The following INPP5F variants were observed in gnomAD, a reference collection of about 807,000 sequenced individuals.
The protein encoded by INPP5F is phosphatidylinositide 4-phosphatase SAC2.
A neutral mutation model predicts 137.2 loss-of-function variants in INPP5F; 97 were observed. The ratio of observed to expected loss-of-function variants is 0.71; its 90% CI spans 0.60 to 0.84. The LOEUF (loss-of-function observed/expected upper bound fraction) is 0.84. INPP5F is among the 40% of genes least tolerant of loss of function. The pLI is 0.00. For synonymous variants in INPP5F, 504 were observed against 476.9 expected (o/e 1.06, Z -0.74); for missense variants, 1,271 against 1,371.9 (o/e 0.93, Z 1.16).
At chr10:119,774,065 C>T (rs1849443140) in intron 2 of INPP5F, among the ~76,000 whole-genome samples, 1 of 151,558 alleles carries the variant, frequency 6.6e-6, no homozygotes, top group African/African-American at 2.4e-5. Flanking sequence ...GAGATAGAGA[C>T]CGTCCTGGCT....
intron 13 of INPP5F, among the ~76,000 whole-genome samples, chr10:119,809,220 C>G (rs531021492): frequency 2.1e-3 from 253 of 120,114 alleles, no homozygotes; most frequent in Non-Finnish European, 3.2e-3. Flanking sequence ...GAGCGAGACT[C>G]TGTCTCAAAA....
At chr10:119,745,741 G>T (rs1405546351) in intron 1 of INPP5F, among the ~76,000 whole-genome samples, 1 of 115,772 alleles carries the variant, frequency 8.6e-6, no homozygotes, top group African/African-American at 3.4e-5. Flanking sequence ...GCCTCACTCT[G>T]TTAGCCAGGC....
rs1453916065 is a variant in INPP5F at position 119,726,056 on chromosome 10, C to T, written c.-207C>T. On this transcript the variant is annotated 5_prime_UTR_variant, in exon 1 of 20. Transcript: ENST00000650623. ...GAAGGGGAGGAGCGGGGGGGAGAGG[C>T]CTCTACGGCCGCCGCTGCCGCCGCC... The T allele has an allele frequency of 1.1e-5, 4 of 362,356 alleles. No individual in the cohort carries two copies. The highest frequency in any genetic ancestry group is 2.0e-5 in the Non-Finnish European group (4 of 203,668). 22.4% of individuals were successfully genotyped at this position (362,356 alleles called of 1,614,324 possible). A position where few individuals can be genotyped will look rare whatever the true frequency, so the allele number is the denominator to read the frequency against.
chr10:119,791,328 T>C (rs1001138870), intron 3 of INPP5F, among the ~76,000 whole-genome samples, 189 bp from the exon 4 acceptor site: 2 of 152,242 alleles, frequency 1.3e-5, no homozygotes, highest in Non-Finnish European at 2.9e-5. Flanking sequence ...TTGTGTTTTA[T>C]CCTCTGCTAT....
intron 1 of INPP5F, among the ~76,000 whole-genome samples, chr10:119,744,190 C>A (rs932513407): frequency 6.6e-6 from 1 of 150,862 alleles, no homozygotes; most frequent in Non-Finnish European, 1.5e-5. Flanking sequence ...TGGATTGACT[C>A]CCCCCCTTTT....
chr10:119,798,521 AT>A, intron 8 of INPP5F, 21 bp from the exon 9 acceptor site: 1 of 1,588,550 alleles, frequency 6.3e-7, no homozygotes, highest in Non-Finnish European at 8.6e-7. Context: ...GGAAAAAAAG[AT>A]TTTGTATCAC....
rs565247576 is a variant in INPP5F at position 119,812,071 on chromosome 10, A to G, written c.1886+116A>G. ...GGGCATGGATGCATGGCGCGTGACT[A>G]TTTCCTCTATGAGCTGGTAGTGAGG... On this transcript the variant is annotated intron_variant, in intron 15 of 19. Coordinates refer to ENST00000650623, the MANE Select transcript of INPP5F (RefSeq NM_014937.4). The G allele has an allele frequency of 2.0e-5, 15 of 766,030 alleles. No individual in the cohort carries two copies. The East Asian group carries it at 2.8e-4, about 14-fold the overall frequency. 47.5% of individuals were successfully genotyped at this position (766,030 alleles called of 1,614,324 possible).
chr10:119,740,153 T>TA (rs1158162543), intron 1 of INPP5F, among the ~76,000 whole-genome samples: 2 of 152,226 alleles, frequency 1.3e-5, no homozygotes, highest in South Asian at 4.1e-4. Context: ...ACCTTGTACT[T>TA]ACTCACATAT....
In INPP5F at chr10:119,767,107, GAAAAAAAAAAA is replaced by G. The variant is rs35875262; in HGVS notation, c.179-14512_179-14502del. On this transcript the variant is annotated intron_variant, in intron 2 of 19. Coordinates refer to ENST00000650623, the MANE Select transcript of INPP5F (RefSeq NM_014937.4). Reference sequence around the variant, plus strand: ...GCAACAGAGTGAGACTCTGTCTCCAGAAAAAAAAAAAAAAAAAAAAAAAAAACCTAGAGAGA... The same window carrying G: ...GCAACAGAGTGAGACTCTGTCTCCAGAAAAAAAAAAAAAAACCTAGAGAGA... Among the ~76,000 whole-genome samples the G allele has an allele frequency of 5.6e-3, 226 of 40,560 alleles. 3 individuals carry two copies. Among genetic ancestry groups the G allele is most frequent in the Admixed American group, 0.025 (56 of 2,274 alleles). The allele number at this position is 40,560 out of a possible 152,430, so 26.6% of individuals were successfully genotyped here. A position where few individuals can be genotyped will look rare whatever the true frequency, so the allele number is the denominator to read the frequency against.
intron 1 of INPP5F, among the ~76,000 whole-genome samples, chr10:119,727,088 G>T (rs1564794143): frequency 6.6e-6 from 1 of 152,172 alleles, no homozygotes; most frequent in Non-Finnish European, 1.5e-5. Flanking sequence ...GTGTGCAGTC[G>T]TGGTTTAAAC....
chr10:119,732,623 C>T (rs1040226334), intron 1 of INPP5F, among the ~76,000 whole-genome samples: 2 of 151,094 alleles, frequency 1.3e-5, no homozygotes, highest in African/African-American at 4.9e-5. Flanking sequence ...GCCTCAGCCT[C>T]CTGAGTAGCT....
Position 119,764,369 on chromosome 10 carries a change from A to G in INPP5F, c.178+13213A>G, listed in dbSNP as rs183616403. Among the ~76,000 whole-genome samples, 4 of 152,218 alleles carry G rather than the reference A, an allele frequency of 2.6e-5. No homozygotes were observed. The East Asian group carries it at 7.7e-4, about 29-fold the overall frequency. ...CACACACACACACACACAAACACAC[A>G]CAGTTGACCCTTGGACAACACAAGT... On this transcript the variant is annotated intron_variant, in intron 2 of 19. Coordinates refer to ENST00000650623, the MANE Select transcript of INPP5F (RefSeq NM_014937.4).
chr10:119,822,907 GAA>G (rs1409276013), intron 17 of INPP5F, among the ~76,000 whole-genome samples, 162 bp from the exon 18 acceptor site: 3 of 152,208 alleles, frequency 2.0e-5, no homozygotes, highest in Non-Finnish European at 1.5e-5. Context: ...GATTGAAATT[GAA>G]AGAGTTCTTC....
chr10:119,774,723 G>A (rs1352542120), intron 2 of INPP5F, among the ~76,000 whole-genome samples: 1 of 151,916 alleles, frequency 6.6e-6, no homozygotes, highest in African/African-American at 2.4e-5. Context: ...CTATATTAAT[G>A]CTTTTTTGTA....
At chr10:119,780,417 AAG>A (rs1589706331) in intron 2 of INPP5F, among the ~76,000 whole-genome samples, 2 of 152,118 alleles carry the variant, frequency 1.3e-5, no homozygotes, top group African/African-American at 4.8e-5. Context: ...TCTTAAAAAA[AAG>A]TACAAAAATT....
intron 15 of INPP5F, among the ~76,000 whole-genome samples, chr10:119,813,060 A>G (rs1851107650): frequency 6.6e-6 from 1 of 152,220 alleles, no homozygotes; most frequent in Admixed American, 6.5e-5. Flanking sequence ...TTCTTCAGTC[A>G]AGTGTTTTTG....
chr10:119,759,956 T>C (rs930489508), intron 2 of INPP5F, among the ~76,000 whole-genome samples: 2 of 152,174 alleles, frequency 1.3e-5, no homozygotes, highest in Non-Finnish European at 2.9e-5. Flanking sequence ...GTTCCTAGTC[T>C]TGAGCCCGTC....
At chr10:119,819,592 C>T in intron 15 of INPP5F, 1 of 1,417,294 alleles carries the variant, frequency 7.1e-7, no homozygotes, top group Non-Finnish European at 9.6e-7. Context: ...TGGTATTATT[C>T]TCTATGAAGC....
chr10:119,752,603 A>T (rs1171618435), intron 2 of INPP5F, among the ~76,000 whole-genome samples: 4 of 151,354 alleles, frequency 2.6e-5, no homozygotes, highest in Non-Finnish European at 5.9e-5. Context: ...AAAAAAAAAA[A>T]GAAATGAAAT....
Sources: allele counts gnomAD v4.1 joint callset (sites outside exome capture counted in the v4.1 genomes callset), GRCh38; gene constraint gnomAD v4.1.1; transcripts MANE v1.5; gene names NCBI Gene and HGNC (gene_info 2026-07-23, HGNC 2026-07-21).